Variants in POLR3A observed in about 807,000 individuals in gnomAD.
POLR3A encodes the protein DNA-directed RNA polymerase III subunit RPC1.
A neutral mutation model predicts 152.8 loss-of-function variants in POLR3A; 112 were observed. The observed-to-expected ratio is 0.73, with a 90% CI of 0.63 to 0.86. The LOEUF (loss-of-function observed/expected upper bound fraction) is 0.86. Ranked by LOEUF, POLR3A falls within the 40% of genes least tolerant of loss-of-function variation. POLR3A has a pLI of 0.00. For synonymous variants in POLR3A, 615 were observed against 652.1 expected, an observed-to-expected ratio of 0.94 and a Z score of 0.87; for missense variants, 1,385 against 1,743.1, an observed-to-expected ratio of 0.79 and a Z score of 3.66.
chr10:78,002,681 G>A (rs111400582), intron 16 of POLR3A, among the ~76,000 whole-genome samples: 2,512 of 152,164 alleles, frequency 0.017, 81 homozygotes, highest in African/African-American at 0.058. Flanking sequence ...ACAGGTATAT[G>A]TCCCTACCAG....
intron 1 of POLR3A, among the ~76,000 whole-genome samples, chr10:78,028,768 G>T (rs1468442747): frequency 6.6e-6 from 1 of 152,060 alleles, no homozygotes; most frequent in African/African-American, 2.4e-5. Flanking sequence ...CTCCTAAAGT[G>T]CTGGGATTAC....
At chr10:77,984,117 G>T in intron 25 of POLR3A, 88 bp downstream of exon 25, 2 of 1,224,478 alleles carry the variant, frequency 1.6e-6, no homozygotes, top group Non-Finnish European at 1.2e-6. Context: ...GACGCCACAG[G>T]CTGGTCAATA....
chr10:77,979,949 G>A (rs985472238), intron 30 of POLR3A, among the ~76,000 whole-genome samples, 192 bp downstream of exon 30: 2 of 152,208 alleles, frequency 1.3e-5, no homozygotes, highest in African/African-American at 4.8e-5. Context: ...AGATGTAAAC[G>A]GGGATGCAGG....
chr10:78,021,837 T>G (rs748322331), intron 7 of POLR3A, 23 bp downstream of exon 7: 2 of 1,612,898 alleles, frequency 1.2e-6, no homozygotes, highest in Admixed American at 3.3e-5. Flanking sequence ...GGCTGGCTTC[T>G]GCACATCTTG....
Position 77,976,969 on chromosome 10 carries a change from C to G in POLR3A, c.*509G>C, listed in dbSNP as rs918630997. ...AACTAAAATAACAAAAATTCCAAATCCCTCAAATGGAACAAATAAATAATA... is the reference window on the plus strand; with the variant it reads ...AACTAAAATAACAAAAATTCCAAATGCCTCAAATGGAACAAATAAATAATA... On this transcript the variant is annotated 3_prime_UTR_variant, in exon 31 of 31. Coordinates refer to ENST00000372371, the MANE Select transcript of POLR3A (RefSeq NM_007055.4). 1 of 154,032 alleles carries G rather than the reference C, an allele frequency of 6.5e-6. No homozygotes were observed. The highest frequency in any genetic ancestry group is 2.4e-5 in the African/African-American group (1 of 41,472). The allele number at this position is 154,032 out of a possible 1,614,324, so 9.5% of individuals were successfully genotyped here. A position where few individuals can be genotyped will look rare whatever the true frequency, so the allele number is the denominator to read the frequency against.
At chr10:77,979,825 G>C (rs891941872) in intron 30 of POLR3A, among the ~76,000 whole-genome samples, 16 of 152,176 alleles carry the variant, frequency 1.1e-4, no homozygotes, top group African/African-American at 3.4e-4. Flanking sequence ...CAGGGGTCAG[G>C]ATCAGTGTGG....
intron 28 of POLR3A, 146 bp downstream of exon 28, chr10:77,982,008 C>T (rs1847149254): frequency 3.2e-6 from 2 of 632,434 alleles, no homozygotes; most frequent in Non-Finnish European, 5.1e-6. Flanking sequence ...CACTGCACTC[C>T]AGCCTGGGCA....
Position 78,015,432 on chromosome 10 carries a change from A to G in POLR3A, c.1432-1642T>C, listed in dbSNP as rs1191665914. 2.7e-5 allele frequency among the ~76,000 whole-genome samples: 4 copies of G among 150,346 alleles called. 1 individual carries two copies. Among genetic ancestry groups the G allele is most frequent in the Non-Finnish European group, 3.0e-5 (2 of 67,666 alleles). ...AACCTCTGCCTCCTGGGTTCAAGCA[A>G]TTCTCCTGCCTCAGCCTCCCAAGTA... On this transcript the variant is annotated intron_variant, in intron 10 of 30. Transcript: ENST00000372371.
chr10:77,975,547 TCA>T lies in POLR3A; in HGVS notation c.*1929_*1930del. On this transcript the variant is annotated 3_prime_UTR_variant, in exon 31 of 31. Coordinates refer to ENST00000372371, the MANE Select transcript of POLR3A (RefSeq NM_007055.4). ...ATACGCTGATTCGCACCCATCACAA[TCA>T]CACACGTCTCACACAGACTCCAGAC... 1 of 152,444 alleles carries T rather than the reference TCA, an allele frequency of 6.6e-6. No homozygotes were observed. The highest frequency in any genetic ancestry group is 1.9e-4 in the East Asian group (1 of 5,178). 9.4% of individuals were successfully genotyped at this position (152,444 alleles called of 1,614,324 possible). A position where few individuals can be genotyped will look rare whatever the true frequency, so the allele number is the denominator to read the frequency against.
chr10:77,992,408 T>G (rs997126845), intron 20 of POLR3A, among the ~76,000 whole-genome samples: 10 of 151,314 alleles, frequency 6.6e-5, no homozygotes, highest in Non-Finnish European at 2.9e-5. Context: ...AGCTGGAACT[T>G]TAGGAGCATG....
intron 20 of POLR3A, among the ~76,000 whole-genome samples, chr10:77,991,445 T>A (rs1389125522): frequency 6.6e-6 from 1 of 152,200 alleles, no homozygotes; most frequent in Non-Finnish European, 1.5e-5. Context: ...CCACCAGATT[T>A]ACATTAAAAA....
intron 19 of POLR3A, among the ~76,000 whole-genome samples, chr10:77,995,025 G>C (rs1258594760): frequency 2.6e-5 from 4 of 152,144 alleles, no homozygotes; most frequent in Non-Finnish European, 5.9e-5. Flanking sequence ...TTAAAGAAAA[G>C]AATTTTCAAA....
Position 78,010,564 on chromosome 10 carries a change from A to G in POLR3A, c.1573-24T>C, listed in dbSNP as rs764713186. 4 of 1,587,472 alleles carry G rather than the reference A, an allele frequency of 2.5e-6. No homozygotes were observed. The South Asian group carries it at 3.3e-5, about 13-fold the overall frequency. The stretch of plus-strand genomic sequence containing the variant: ...GTCTGTAGGAAAAGTAAGCGCAGTC[A>G]GTTAGCTGTTCTCGGATGCATGATG... On this transcript the variant is annotated intron_variant, in intron 11 of 30. Transcript: ENST00000372371.
At chr10:77,999,343 T>C (rs1239024999) in intron 19 of POLR3A, among the ~76,000 whole-genome samples, 1 of 151,802 alleles carries the variant, frequency 6.6e-6, no homozygotes, top group African/African-American at 2.4e-5. Context: ...GAGTGGAGAG[T>C]ACAGGGATTG....
At chr10:78,023,603 T>C (rs1847601348) in intron 5 of POLR3A, among the ~76,000 whole-genome samples, 1 of 151,562 alleles carries the variant, frequency 6.6e-6, no homozygotes. Flanking sequence ...TAGCAAGACC[T>C]TGTCTCTACA....
chr10:77,980,162 C>T lies in POLR3A; in HGVS notation c.4003G>A (p.Gly1335Arg), dbSNP rs768222183. 4 of 1,613,886 alleles carry T rather than the reference C, an allele frequency of 2.5e-6. No homozygotes were observed. The highest frequency in any genetic ancestry group is 1.3e-5 in the African/African-American group (1 of 75,014). ...CTACCACACACAGAGTCCTTCTGCC[C>T]GAAGTAGGCAGCGTCAAAGAGATGG... Reference protein sequence around the residue: ...ADHLFDAAYFGQKDSVCGVSE... With the variant: ...ADHLFDAAYFRQKDSVCGVSE... Residue 1335 changes from glycine to arginine, a missense_variant, in exon 30 of 31, where the codon GGG becomes AGG. Transcript: ENST00000372371.
intron 19 of POLR3A, among the ~76,000 whole-genome samples, chr10:77,994,838 C>G (rs1847284013): frequency 6.6e-6 from 1 of 152,090 alleles, no homozygotes; most frequent in African/African-American, 2.4e-5. Context: ...TCGAGAAGAG[C>G]AACTCCAAGA....
At chr10:78,009,774 T>C (rs1328896119) in intron 13 of POLR3A, 90 bp downstream of exon 13, 4 of 1,609,460 alleles carry the variant, frequency 2.5e-6, no homozygotes, top group African/African-American at 2.7e-5. Context: ...CACTCAAGCC[T>C]AGCACCAACA....
intron 5 of POLR3A, 72 bp from the exon 6 acceptor site, chr10:78,022,456 C>T (rs1847589313): frequency 6.6e-7 from 1 of 1,519,792 alleles, no homozygotes; most frequent in South Asian, 1.1e-5. Context: ...GGTTTTCCTT[C>T]ACTATGTTTT....
Sources: gnomAD v4.1 joint callset for allele counts (sites outside exome capture counted in the v4.1 genomes callset) on GRCh38, gnomAD v4.1.1 for gene constraint, MANE v1.5 for transcripts, NCBI Gene and HGNC (gene_info 2026-07-23, HGNC 2026-07-21) for gene names.